The following KCNAB1 variants were observed in gnomAD, a reference collection of about 807,000 sequenced individuals.
KCNAB1 encodes the protein voltage-gated potassium channel subunit beta-1.
KCNAB1 carries 35 observed loss-of-function variants against 64.6 expected under a neutral mutation model. That is an observed-to-expected ratio of 0.54 (90% confidence interval 0.41 to 0.72). The LOEUF is 0.72. KCNAB1 is among the 30% of genes least tolerant of loss of function. The pLI is 0.00. For synonymous variants in KCNAB1, 177 were observed against 183.8 expected, an observed-to-expected ratio of 0.96 and a Z score of 0.30; for missense variants, 401 against 512.9, an observed-to-expected ratio of 0.78 and a Z score of 2.11.
At chr3:156,456,433 A>G (rs1712436838) in intron 3 of KCNAB1, among the ~76,000 whole-genome samples, 1 of 152,238 alleles carries the variant, frequency 6.6e-6, no homozygotes, top group South Asian at 2.1e-4. Context: ...TCCAGTTAGG[A>G]TATAATTTAA....
intron 4 of KCNAB1, 101 bp downstream of exon 4, chr3:156,457,633 C>G: frequency 9.7e-7 from 1 of 1,026,238 alleles, no homozygotes. Flanking sequence ...TCTGTCCTTT[C>G]TCCACGTGTT....
chr3:156,409,412 C>T (rs1318121932), intron 1 of KCNAB1, among the ~76,000 whole-genome samples: 1 of 152,166 alleles, frequency 6.6e-6, no homozygotes, highest in African/African-American at 2.4e-5. Context: ...AATTAAAAAA[C>T]TATTTGCAGT....
In KCNAB1 at chr3:156,383,136, A is replaced by G. The variant is rs183587772; in HGVS notation, c.276-38480A>G. Among the ~76,000 whole-genome samples, 566 of 152,318 alleles carry G rather than the reference A, an allele frequency of 3.7e-3. 1 individual carries two copies. Among genetic ancestry groups the G allele is most frequent in the Non-Finnish European group, 4.3e-3 (292 of 68,024 alleles). On this transcript the variant is annotated intron_variant, in intron 1 of 13. Coordinates refer to ENST00000490337, the MANE Select transcript of KCNAB1 (RefSeq NM_172160.3). ...TGAGAGCTGCTCTTGCAAAATAGGC[A>G]GTGTGAAGAGATTAGATTGGGGATG...
At chr3:156,283,251 C>G (rs1346553082) in intron 1 of KCNAB1, among the ~76,000 whole-genome samples, 11 of 150,694 alleles carry the variant, frequency 7.3e-5, no homozygotes, top group Non-Finnish European at 1.0e-4. Flanking sequence ...ATATGAAATT[C>G]TGGGTTGAAA....
At chr3:156,297,021 C>T (rs1352960957) in intron 1 of KCNAB1, among the ~76,000 whole-genome samples, 1 of 152,118 alleles carries the variant, frequency 6.6e-6, no homozygotes, top group Non-Finnish European at 1.5e-5. Flanking sequence ...TCATTTTTGT[C>T]TGCATGTTGT....
chr3:156,170,156 TTGA>T (rs1260811447), intron 1 of KCNAB1, among the ~76,000 whole-genome samples: 3 of 152,014 alleles, frequency 2.0e-5, no homozygotes, highest in African/African-American at 7.2e-5. Flanking sequence ...TTAGGATCAA[TTGA>T]ACAATTGGTT....
intron 1 of KCNAB1, among the ~76,000 whole-genome samples, chr3:156,144,365 A>C (rs1050229021): frequency 3.3e-5 from 5 of 152,204 alleles, no homozygotes; most frequent in African/African-American, 1.2e-4. Context: ...CTGCTGCTCT[A>C]ATTTATCAGC....
At chr3:156,191,710 GATATA>G (rs1560128878) in intron 1 of KCNAB1, among the ~76,000 whole-genome samples, 1 of 152,060 alleles carries the variant, frequency 6.6e-6, no homozygotes, top group Non-Finnish European at 1.5e-5. Context: ...TTTTCCCATT[GATATA>G]ATGCTAAATG....
intron 8 of KCNAB1, among the ~76,000 whole-genome samples, chr3:156,484,144 C>T (rs1174720272): frequency 6.6e-6 from 1 of 152,034 alleles, no homozygotes; most frequent in Non-Finnish European, 1.5e-5. Flanking sequence ...TTCTCTCCTC[C>T]CTCCCCCACC....
At chr3:156,482,327 A>G (rs1391338045) in intron 8 of KCNAB1, among the ~76,000 whole-genome samples, 1 of 152,104 alleles carries the variant, frequency 6.6e-6, no homozygotes, top group East Asian at 1.9e-4. Flanking sequence ...AATACTTACT[A>G]TTTAAGCACT....
At chr3:156,248,559 A>G (rs1203561199) in intron 1 of KCNAB1, among the ~76,000 whole-genome samples, 4 of 148,752 alleles carry the variant, frequency 2.7e-5, no homozygotes, top group Non-Finnish European at 4.4e-5. Flanking sequence ...AGATGTAAGT[A>G]CTATAGAATG....
chr3:156,364,197 T>A (rs1725799164), intron 1 of KCNAB1, among the ~76,000 whole-genome samples: 1 of 152,152 alleles, frequency 6.6e-6, no homozygotes, highest in African/African-American at 2.4e-5. Context: ...TCAGACTGAA[T>A]TGTAGAATTA....
intron 1 of KCNAB1, among the ~76,000 whole-genome samples, chr3:156,362,276 T>C (rs971650703): frequency 1.3e-5 from 2 of 152,262 alleles, no homozygotes; most frequent in African/African-American, 4.8e-5. Flanking sequence ...GACGTGATTA[T>C]TATTGTAATG....
chr3:156,282,257 T>C (rs2108505327), intron 1 of KCNAB1, among the ~76,000 whole-genome samples: 1 of 149,956 alleles, frequency 6.7e-6, no homozygotes, highest in Non-Finnish European at 1.5e-5. Context: ...TTGTTCAGTT[T>C]CCATGCAGTT....
intron 1 of KCNAB1, among the ~76,000 whole-genome samples, chr3:156,286,958 A>G (rs966284158): frequency 1.3e-5 from 2 of 152,138 alleles, no homozygotes; most frequent in African/African-American, 2.4e-5. Context: ...GATAATGATA[A>G]CACCTTTCCC....
At chr3:156,532,794 T>C (rs2108428109) in intron 13 of KCNAB1, among the ~76,000 whole-genome samples, 1 of 152,312 alleles carries the variant, frequency 6.6e-6, no homozygotes, top group South Asian at 2.1e-4. Context: ...ATTTATGCTC[T>C]GGGAAAAGAT....
intron 7 of KCNAB1, among the ~76,000 whole-genome samples, chr3:156,469,350 G>A (rs1204117446): frequency 6.8e-6 from 1 of 147,986 alleles, no homozygotes; most frequent in Non-Finnish European, 1.5e-5. Context: ...TCCGCCTCCA[G>A]GGTTCAAGCG....
At chr3:156,222,863 A>T (rs927110845) in intron 1 of KCNAB1, among the ~76,000 whole-genome samples, 4 of 152,214 alleles carry the variant, frequency 2.6e-5, no homozygotes, top group Non-Finnish European at 5.9e-5. Flanking sequence ...GATGGGAATT[A>T]AAAAAGTCTT....
At chr3:156,507,172 T>A (rs540596979) in intron 8 of KCNAB1, among the ~76,000 whole-genome samples, 2 of 152,338 alleles carry the variant, frequency 1.3e-5, no homozygotes, top group South Asian at 4.1e-4. Context: ...CCCAAGTGAT[T>A]TTATCTTTCT....
Sources: gnomAD v4.1 joint callset for allele counts (sites outside exome capture counted in the v4.1 genomes callset) on GRCh38, gnomAD v4.1.1 for gene constraint, MANE v1.5 for transcripts, NCBI Gene and HGNC (gene_info 2026-07-23, HGNC 2026-07-21) for gene names.